The following SPHKAP variants were observed in gnomAD, a reference collection of about 807,000 sequenced individuals.
SPHKAP encodes A-kinase anchor protein SPHKAP.
In SPHKAP, 67 loss-of-function variants were observed where a neutral mutation model predicts 137.5. The ratio of observed to expected loss-of-function variants is 0.49; its 90% confidence interval spans 0.40 to 0.60. SPHKAP has a LOEUF of 0.60. Among genes scored for constraint, SPHKAP ranks in the 20% least tolerant of loss-of-function variants. SPHKAP has a pLI of 0.00. For missense variants in SPHKAP, 2,097 were observed against 2,069.3 expected, an observed-to-expected ratio of 1.01 and a Z score of -0.26; for synonymous variants, 813 against 785.3, an observed-to-expected ratio of 1.04 and a Z score of -0.59.
At chr2:228,011,534 A>G (rs1694369062) in intron 7 of SPHKAP, among the ~76,000 whole-genome samples, 1 of 152,226 alleles carries the variant, frequency 6.6e-6, no homozygotes, top group Non-Finnish European at 1.5e-5. Context: ...TTAGCCTTGC[A>G]AATAAGGGTA....
intron 3 of SPHKAP, among the ~76,000 whole-genome samples, chr2:228,090,502 A>T (rs1697691257): frequency 6.6e-6 from 1 of 152,158 alleles, no homozygotes; most frequent in African/African-American, 2.4e-5. Context: ...GACTATTGGA[A>T]AGTGATGATT....
At position 228,018,883 on chromosome 2, in the gene SPHKAP, C is replaced by G; in HGVS notation, c.1971G>C (p.Leu657=). Residue 657 remains leucine (L), a synonymous_variant, in exon 7 of 12, where the codon CTG becomes CTC. Transcript: ENST00000392056. Reference sequence around the variant, plus strand: ...CATTCCTGACGACATTTTCTGAGCACAGGGTCTGAGACTTTGAAGCAGTTT... The same window carrying G: ...CATTCCTGACGACATTTTCTGAGCAGAGGGTCTGAGACTTTGAAGCAGTTT... ...IMETASKSQT[L]CSENVVRNEL... 6.2e-7 allele frequency: 1 copy of G among 1,614,186 alleles called. No homozygotes were observed. Among genetic ancestry groups the G allele is most frequent in the Non-Finnish European group, 8.5e-7 (1 of 1,180,036 alleles).
chr2:227,993,677 G>A (rs1693509165), intron 8 of SPHKAP, 57 bp from the exon 9 acceptor site: 3 of 1,426,714 alleles, frequency 2.1e-6, no homozygotes, highest in Non-Finnish European at 2.9e-6. Context: ...ACATGCTGCT[G>A]ACAGTGATGT....
At chr2:228,011,241 T>C (rs1466257615) in intron 7 of SPHKAP, among the ~76,000 whole-genome samples, 1 of 152,130 alleles carries the variant, frequency 6.6e-6, no homozygotes, top group African/African-American at 2.4e-5. Context: ...TTTTTTTTTT[T>C]TTTTAATCAG....
intron 3 of SPHKAP, among the ~76,000 whole-genome samples, chr2:228,038,887 C>T (rs1695734291): frequency 6.6e-6 from 1 of 152,160 alleles, no homozygotes; most frequent in African/African-American, 2.4e-5. Context: ...GTTTTCTTCC[C>T]ATAAAGGTAC....
chr2:228,074,988 A>G (rs1027149223), intron 3 of SPHKAP, among the ~76,000 whole-genome samples: 8 of 152,156 alleles, frequency 5.3e-5, no homozygotes, highest in Non-Finnish European at 1.0e-4. Context: ...GGAAAAAGAG[A>G]AGGAGGAAGG....
chr2:228,054,941 A>G (rs1696383301), intron 3 of SPHKAP, among the ~76,000 whole-genome samples: 1 of 151,992 alleles, frequency 6.6e-6, no homozygotes, highest in East Asian at 1.9e-4. Flanking sequence ...GGAGTTCGAG[A>G]CCAACCTGGC....
intron 3 of SPHKAP, among the ~76,000 whole-genome samples, chr2:228,090,994 T>C (rs533984185): frequency 6.6e-6 from 1 of 152,322 alleles, no homozygotes; most frequent in Non-Finnish European, 1.5e-5. Flanking sequence ...ATGGCAGCTG[T>C]AATTCATCTA....
At chr2:228,116,546 T>C (rs748235313) in intron 2 of SPHKAP, among the ~76,000 whole-genome samples, 1 of 152,188 alleles carries the variant, frequency 6.6e-6, no homozygotes, top group African/African-American at 2.4e-5. Flanking sequence ...ACTAATGTTA[T>C]ATAATTCTCT....
intron 8 of SPHKAP, among the ~76,000 whole-genome samples, chr2:227,994,406 A>G (rs1693543965): frequency 6.6e-6 from 1 of 152,170 alleles, no homozygotes; most frequent in Non-Finnish European, 1.5e-5. Context: ...GAAATGAAAT[A>G]TATCCAATTT....
At chr2:228,129,454 G>A (rs974575351) in intron 2 of SPHKAP, among the ~76,000 whole-genome samples, 5 of 152,092 alleles carry the variant, frequency 3.3e-5, no homozygotes, top group African/African-American at 1.2e-4. Flanking sequence ...AAACCATGCT[G>A]TGAATTCATT....
At chr2:228,080,693 G>A (rs1697333565) in intron 3 of SPHKAP, among the ~76,000 whole-genome samples, 1 of 140,904 alleles carries the variant, frequency 7.1e-6, no homozygotes, top group Admixed American at 7.2e-5. Flanking sequence ...GCCAAAAAGA[G>A]TGAAACTCTG....
chr2:228,149,201 A>G (rs1274906552), intron 1 of SPHKAP, among the ~76,000 whole-genome samples: 1 of 152,144 alleles, frequency 6.6e-6, no homozygotes, highest in Middle Eastern at 3.2e-3. Context: ...TTTTTGTATG[A>G]CTTGTTTACT....
intron 2 of SPHKAP, among the ~76,000 whole-genome samples, chr2:228,124,484 C>CA (rs1425885857): frequency 2.0e-5 from 3 of 149,170 alleles, no homozygotes; most frequent in South Asian, 4.2e-4. Flanking sequence ...ATCTCAAGGA[C>CA]AAAAAACCAA....
At chr2:227,995,719 CAA>C (rs1693615839) in intron 7 of SPHKAP, 25 bp from the exon 8 acceptor site, 1 of 1,530,160 alleles carries the variant, frequency 6.5e-7, no homozygotes, top group Non-Finnish European at 8.7e-7. Context: ...ATATTATTAC[CAA>C]GAGAGGCAGC....
At chr2:228,057,996 A>T (rs773749760) in intron 3 of SPHKAP, among the ~76,000 whole-genome samples, 3 of 151,820 alleles carry the variant, frequency 2.0e-5, no homozygotes, top group Non-Finnish European at 4.4e-5. Flanking sequence ...TCTCCACTCT[A>T]CTCCTGTCCC....
At chr2:228,102,266 G>C (rs895601467) in intron 3 of SPHKAP, among the ~76,000 whole-genome samples, 2 of 150,928 alleles carry the variant, frequency 1.3e-5, no homozygotes, top group African/African-American at 4.9e-5. Context: ...AAACACACTT[G>C]TCATTTGGTT....
In SPHKAP at chr2:228,017,032, C is replaced by G. The variant is rs369170852; in HGVS notation, c.3822G>C (p.Val1274=). The change falls in exon 7 of 12, where the codon GTG becomes GTC. Residue 1274 remains valine (V), a synonymous_variant. Coordinates refer to ENST00000392056, the MANE Select transcript of SPHKAP (RefSeq NM_001142644.2). ...ATGAGGACGCGCTACTGACCGGCTG[C>G]ACGCTTAGGAAATCTTGTGGGCAGT... The part of the protein sequence containing the change: ...AQNCPQDFLS[V]QPVSSASSSG... 1 of 1,613,946 alleles carries G rather than the reference C, an allele frequency of 6.2e-7. No individual in the cohort carries two copies. The highest frequency in any genetic ancestry group is 8.5e-7 in the Non-Finnish European group (1 of 1,180,000).
At chr2:228,091,063 T>G (rs1231247548) in intron 3 of SPHKAP, among the ~76,000 whole-genome samples, 1 of 152,182 alleles carries the variant, frequency 6.6e-6, no homozygotes, top group South Asian at 2.1e-4. Flanking sequence ...AGTCAGAGTT[T>G]GTAATACTGG....
Sources: gnomAD v4.1 joint callset for allele counts (sites outside exome capture counted in the v4.1 genomes callset) on GRCh38, gnomAD v4.1.1 for gene constraint, MANE v1.5 for transcripts, NCBI Gene and HGNC (gene_info 2026-07-23, HGNC 2026-07-21) for gene names.